The following USP44 variants were observed in gnomAD, a reference collection of about 807,000 sequenced individuals.
USP44 encodes the protein ubiquitin carboxyl-terminal hydrolase 44.
USP44 carries 61 observed loss-of-function variants against 69.0 expected under a neutral mutation model. The ratio of observed to expected loss-of-function variants is 0.88; its 90% CI spans 0.72 to 1.09. The LOEUF is 1.09. Ranked by LOEUF, USP44 falls within the 50% of genes least tolerant of loss-of-function variation. The pLI, the probability that USP44 is intolerant of heterozygous loss-of-function variation, is 0.00. For missense variants in USP44, 753 were observed against 849.9 expected (o/e 0.89, Z 1.42); for synonymous variants, 297 against 295.4 (o/e 1.01, Z -0.06).
chr12:95,542,032 C>T (rs188388529), intron 1 of USP44, among the ~76,000 whole-genome samples: 2 of 152,230 alleles, frequency 1.3e-5, no homozygotes, highest in East Asian at 3.9e-4. Context: ...AGGCGTGTGA[C>T]ACCATGCCTG....
In USP44 at chr12:95,533,260, G is replaced by C. The variant is rs2077083117; in HGVS notation, c.997C>G (p.Gln333Glu). Residue 333 changes from glutamine to glutamate, a missense_variant, in exon 2 of 6, where the codon CAA (glutamine) becomes GAA (glutamate). Physicochemically the swap from Gln to Glu is conservative, Grantham distance 29 (BLOSUM62 2). Transcript: ENST00000258499. ...HPPVTDTVVY[Q>E]MNECQEKDTG... The stretch of plus-strand genomic sequence containing the variant: ...TCTTTTTCCTGACATTCATTCATTT[G>C]ATATACTACTGTATCTGTGACTGGT... 6.2e-7 allele frequency: 1 copy of C among 1,614,086 alleles called. No homozygotes were observed. The highest frequency in any genetic ancestry group is 1.3e-5 in the African/African-American group (1 of 75,032).
intron 1 of USP44, among the ~76,000 whole-genome samples, chr12:95,545,260 TAA>T (rs1378193616): frequency 6.9e-6 from 1 of 144,190 alleles, no homozygotes; most frequent in Non-Finnish European, 1.5e-5. Context: ...CATTTAAAAA[TAA>T]AAGTGTCACA....
Position 95,533,849 on chromosome 12 carries a change from G to GGCA in USP44, c.405_407dup (p.Ala136dup). ...GATCTTCACTTTGAAGCAGAGATTG[G>GGCA]GCACCGTCATGTAAGAAATAAGAAT... is the stretch of plus-strand genomic sequence containing the variant. On this transcript the variant is annotated inframe_insertion, in exon 2 of 6. Transcript: ENST00000258499. 1 of 1,614,000 alleles carries GGCA rather than the reference G, an allele frequency of 6.2e-7. No homozygotes were observed. The highest frequency in any genetic ancestry group is 2.2e-5 in the East Asian group (1 of 44,880).
chr12:95,533,962 G>A lies in USP44; in HGVS notation c.295C>T (p.Arg99Ter), dbSNP rs368903861. The change falls in exon 2 of 6, where the codon CGA (arginine) becomes TGA (stop). Residue 99 changes from arginine (R) to a stop codon, truncating the protein, a stop_gained. Coordinates refer to ENST00000258499, the MANE Select transcript of USP44 (RefSeq NM_032147.5). LOFTEE classifies it high-confidence loss of function. ...CTTTTGATGGCACTTAATGTACGTC[G>A]TAGTAACTTCAGGTCTCCAGTTGTG... Reference protein sequence around the residue: ...DNTTGDLKLLRRTLSAIKSQN... With the variant: ...DNTTGDLKLL The A allele has an allele frequency of 3.5e-5, 57 of 1,614,034 alleles. No individual in the cohort carries two copies. The highest frequency in any genetic ancestry group is 2.3e-4 in the Admixed American group (14 of 60,000).
At chr12:95,520,898 G>T in intron 5 of USP44, 99 bp downstream of exon 5, 1 of 1,108,812 alleles carries the variant, frequency 9.0e-7, no homozygotes, top group South Asian at 1.4e-5. Context: ...TGGTCGAGTA[G>T]CTTTGTTTAT....
rs1270589639 is a variant in USP44 at position 95,517,264 on chromosome 12, ATTTTTTCTCTTC to A, written c.*878_*889del. On this transcript the variant is annotated 3_prime_UTR_variant, in exon 6 of 6. Coordinates refer to ENST00000258499, the MANE Select transcript of USP44 (RefSeq NM_032147.5). ...GAACACTTATCTTTTCTGCCCTATA[ATTTTTTCTCTTC>A]AAGACTCTATTCCTTTGAACTAAAA... The A allele has an allele frequency of 1.3e-5, 2 of 152,044 alleles. No homozygotes were observed. The highest frequency in any genetic ancestry group is 3.9e-4 in the East Asian group (2 of 5,182). 9.4% of individuals were successfully genotyped at this position (152,044 alleles called of 1,614,324 possible).
At position 95,537,151 on chromosome 12, in the gene USP44, G is replaced by A. The variant is rs369860519; in HGVS notation, c.-70-2825C>T. Among the ~76,000 whole-genome samples the A allele has an allele frequency of 1.5e-3, 230 of 152,178 alleles. 1 individual carries two copies. The highest frequency in any genetic ancestry group is 5.3e-3 in the African/African-American group (218 of 41,504). On this transcript the variant is annotated intron_variant, in intron 1 of 5. Transcript: ENST00000258499. The stretch of plus-strand genomic sequence containing the variant: ...GGAGTATAGCAGTTTTGAAGAAGGG[G>A]GCAGAGGTAGAATTAGTGCTTAACA...
chr12:95,526,728 A>G (rs1280742286), intron 3 of USP44, among the ~76,000 whole-genome samples: 1 of 152,120 alleles, frequency 6.6e-6, no homozygotes, highest in African/African-American at 2.4e-5. Context: ...TTTACCTTAA[A>G]AGTTTAGTTA....
At chr12:95,550,677 G>A (rs192129459) in intron 1 of USP44, among the ~76,000 whole-genome samples, 1 of 152,132 alleles carries the variant, frequency 6.6e-6, no homozygotes, top group East Asian at 1.9e-4. Context: ...CATTCTGGAA[G>A]GTCGTTTGGG....
chr12:95,542,220 T>C (rs1307570868), intron 1 of USP44, among the ~76,000 whole-genome samples: 1 of 152,200 alleles, frequency 6.6e-6, no homozygotes, highest in Non-Finnish European at 1.5e-5. Context: ...GTGCTAACAT[T>C]ATGCCAACTT....
At chr12:95,540,152 C>T (rs1210888543) in intron 1 of USP44, among the ~76,000 whole-genome samples, 1 of 152,088 alleles carries the variant, frequency 6.6e-6, no homozygotes, top group Non-Finnish European at 1.5e-5. Flanking sequence ...AGCTAACTAC[C>T]CAGACTTTAC....
intron 4 of USP44, among the ~76,000 whole-genome samples, chr12:95,523,431 T>C (rs1275898330): frequency 6.6e-6 from 1 of 152,132 alleles, no homozygotes; most frequent in African/African-American, 2.4e-5. Flanking sequence ...GACACCCAGC[T>C]CGCATCCACT....
At chr12:95,526,013 G>A (rs1046678404) in intron 3 of USP44, among the ~76,000 whole-genome samples, 2 of 152,202 alleles carry the variant, frequency 1.3e-5, no homozygotes, top group African/African-American at 4.8e-5. Flanking sequence ...TTGTCTCCTA[G>A]CACATCGGTC....
chr12:95,526,906 CT>C (rs901246926), intron 3 of USP44, among the ~76,000 whole-genome samples: 3 of 151,624 alleles, frequency 2.0e-5, no homozygotes, highest in African/African-American at 4.8e-5. Context: ...ATATCTTATT[CT>C]TTTTTTTAAT....
At chr12:95,519,635 G>A (rs1433022739) in intron 5 of USP44, among the ~76,000 whole-genome samples, 4 of 149,978 alleles carry the variant, frequency 2.7e-5, no homozygotes, top group African/African-American at 7.3e-5. Flanking sequence ...TAGTAGAGAC[G>A]GGGTTTCACC....
In USP44 at chr12:95,516,924, CAG is replaced by C. The variant is rs1305390912; in HGVS notation, c.*1228_*1229del. 2.0e-5 allele frequency: 3 copies of C among 152,126 alleles called. No individual in the cohort carries two copies. The highest frequency in any genetic ancestry group is 4.4e-5 in the Non-Finnish European group (3 of 68,034). 9.4% of individuals were successfully genotyped at this position (152,126 alleles called of 1,614,324 possible). A position where few individuals can be genotyped will look rare whatever the true frequency, so the allele number is the denominator to read the frequency against. On this transcript the variant is annotated 3_prime_UTR_variant, in exon 6 of 6. Transcript: ENST00000258499. ...GGATACATGATCTTCCTGTGGTTAACAGAGCTTAGATACATAGCTGGTCTACA... is the reference window on the plus strand; with the variant it reads ...GGATACATGATCTTCCTGTGGTTAACAGCTTAGATACATAGCTGGTCTACA...
At chr12:95,532,167 G>GTTTTTT (rs1272256143) in intron 2 of USP44, among the ~76,000 whole-genome samples, 88 of 126,638 alleles carry the variant, frequency 6.9e-4, no homozygotes, top group African/African-American at 2.4e-3. Flanking sequence ...CTTTCTTTGG[G>GTTTTTT]TTTTTTTTTT....
Position 95,521,035 on chromosome 12 carries a change from G to C in USP44, c.1901C>G (p.Ser634Ter). Residue 634 changes from serine (S) to a stop codon, truncating the protein, a stop_gained, in exon 5 of 6, where the codon TCA becomes TGA. Transcript: ENST00000258499. LOFTEE classifies it high-confidence loss of function. Reference sequence around the variant, plus strand: ...ATAGCAGTAGGCAGTGTAGTGCCCTGAGCCAAATCCTTTCCCATGGTGCAT... The same window carrying C: ...ATAGCAGTAGGCAGTGTAGTGCCCTCAGCCAAATCCTTTCCCATGGTGCAT... The part of the protein sequence containing the change: ...VVMHHGKGFG[S>*]GHYTAYCYNS... The C allele has an allele frequency of 1.9e-6, 3 of 1,614,158 alleles. No individual in the cohort carries two copies. The highest frequency in any genetic ancestry group is 1.7e-6 in the Non-Finnish European group (2 of 1,180,026).
At chr12:95,549,460 A>G (rs1327911755) in intron 1 of USP44, among the ~76,000 whole-genome samples, 2 of 152,216 alleles carry the variant, frequency 1.3e-5, no homozygotes, top group Non-Finnish European at 2.9e-5. Context: ...TCTGGAAAAC[A>G]GGAAAGTCAA....
Sources: allele counts gnomAD v4.1 joint callset (sites outside exome capture counted in the v4.1 genomes callset), GRCh38; gene constraint gnomAD v4.1.1; transcripts MANE v1.5; gene names NCBI Gene and HGNC (gene_info 2026-07-23, HGNC 2026-07-21).